Variants in CEP112 observed in about 807,000 individuals in gnomAD.
CEP112 encodes the protein centrosomal protein 112, also known as centrosomal protein of 112 kDa.
CEP112 carries 127 observed loss-of-function variants against 153.0 expected under a neutral mutation model. The ratio of observed to expected loss-of-function variants is 0.83; its 90% CI spans 0.72 to 0.96. The LOEUF (loss-of-function observed/expected upper bound fraction) is 0.96, where lower values mean the gene tolerates loss of function less well. Ranked by LOEUF, CEP112 falls within the 40% of genes least tolerant of loss-of-function variation. The pLI is 0.00. For synonymous variants in CEP112, 358 were observed against 374.4 expected (o/e 0.96, Z 0.51); for missense variants, 1,089 against 1,101.2 (o/e 0.99, Z 0.16).
chr17:65,906,426 T>C (rs909980618), intron 19 of CEP112, among the ~76,000 whole-genome samples: 14 of 151,920 alleles, frequency 9.2e-5, no homozygotes, highest in African/African-American at 3.4e-4. Flanking sequence ...ATAATAATAA[T>C]AATAAAGAGT....
At chr17:65,639,335 A>G (rs1267087894) in intron 25 of CEP112, among the ~76,000 whole-genome samples, 1 of 152,182 alleles carries the variant, frequency 6.6e-6, no homozygotes, top group Non-Finnish European at 1.5e-5. Context: ...AGTACTTGAT[A>G]CAGGGAGTAA....
At chr17:65,792,682 A>G (rs939039546) in intron 21 of CEP112, among the ~76,000 whole-genome samples, 1 of 152,208 alleles carries the variant, frequency 6.6e-6, no homozygotes, top group Non-Finnish European at 1.5e-5. Flanking sequence ...AGGTGAAATC[A>G]AGACCTGTCT....
At chr17:65,949,586 G>A (rs758099246) in intron 18 of CEP112, among the ~76,000 whole-genome samples, 10 of 152,106 alleles carry the variant, frequency 6.6e-5, no homozygotes, top group Non-Finnish European at 8.8e-5. Context: ...CCACAGCAAT[G>A]TAATACCAAG....
rs117854989 is a variant in CEP112 at position 65,994,149 on chromosome 17, T to C, written c.1736+11541A>G. Among the ~76,000 whole-genome samples, 121 of 152,202 alleles carry C rather than the reference T, an allele frequency of 7.9e-4. 2 individuals are homozygous for C. In the East Asian group the frequency reaches 0.02, roughly 25 times the overall value. On this transcript the variant is annotated intron_variant, in intron 17 of 26. Transcript: ENST00000535342. ...CTAGGGTGTTTTCTAAAACCCATAATCTGAGATGAAATAAACATCCTAATC... is the reference window on the plus strand; with the variant it reads ...CTAGGGTGTTTTCTAAAACCCATAACCTGAGATGAAATAAACATCCTAATC...
At chr17:66,116,661 A>G (rs373839194) in intron 6 of CEP112, among the ~76,000 whole-genome samples, 2 of 152,244 alleles carry the variant, frequency 1.3e-5, no homozygotes, top group African/African-American at 4.8e-5. Flanking sequence ...GCTTTATTCA[A>G]ATGAACTCAT....
At chr17:65,758,410 G>C (rs536994727) in intron 21 of CEP112, among the ~76,000 whole-genome samples, 2 of 152,074 alleles carry the variant, frequency 1.3e-5, no homozygotes, top group Admixed American at 1.3e-4. Context: ...ATTAGAAAGG[G>C]GGAAAAATAC....
chr17:65,934,328 G>A (rs1360900343), intron 18 of CEP112, among the ~76,000 whole-genome samples: 1 of 152,182 alleles, frequency 6.6e-6, no homozygotes, highest in African/African-American at 2.4e-5. Flanking sequence ...CCTGTTATAA[G>A]TAGAAGATGT....
rs1382184878 is a variant in CEP112 at position 65,970,445 on chromosome 17, G to A, written c.1737-8847C>T. ...TTACATGCATGCACACATCATGCATGTATATTACATGCATGCACACATGCA... is the reference window on the plus strand; with the variant it reads ...TTACATGCATGCACACATCATGCATATATATTACATGCATGCACACATGCA... On this transcript the variant is annotated intron_variant, in intron 17 of 26. Transcript: ENST00000535342. 8.1e-5 allele frequency among the ~76,000 whole-genome samples: 4 copies of A among 49,080 alleles called. 1 individual carries two copies. The highest frequency in any genetic ancestry group is 1.8e-4 in the African/African-American group (3 of 16,232). 32.2% of individuals were successfully genotyped at this position (49,080 alleles called of 152,430 possible).
intron 22 of CEP112, among the ~76,000 whole-genome samples, chr17:65,749,858 G>GTATATA (rs148500615): frequency 2.0e-5 from 3 of 148,580 alleles, no homozygotes; most frequent in African/African-American, 7.4e-5. Context: ...AAATACCACT[G>GTATATA]TATATATATA....
intron 24 of CEP112, chr17:65,654,889 A>T: frequency 5.6e-6 from 3 of 535,364 alleles, no homozygotes. Context: ...CTGGGGTCGT[A>T]CCATGGCAGC....
At chr17:66,032,383 C>G (rs983938572) in intron 12 of CEP112, among the ~76,000 whole-genome samples, 3 of 151,218 alleles carry the variant, frequency 2.0e-5, no homozygotes, top group Non-Finnish European at 4.4e-5. Flanking sequence ...GAAAAGCACA[C>G]TAGAGTTTTC....
intron 17 of CEP112, among the ~76,000 whole-genome samples, chr17:65,963,328 G>C (rs1021823120): frequency 3.9e-5 from 6 of 152,266 alleles, no homozygotes; most frequent in African/African-American, 1.4e-4. Flanking sequence ...ATATCATAAA[G>C]GGGAGAAAAG....
chr17:66,030,958 C>T (rs1274417038), intron 12 of CEP112, among the ~76,000 whole-genome samples: 7 of 152,256 alleles, frequency 4.6e-5, no homozygotes, highest in Admixed American at 2.0e-4. Flanking sequence ...CTCATCCTTT[C>T]TTCATTACAA....
intron 6 of CEP112, among the ~76,000 whole-genome samples, chr17:66,124,091 G>A (rs954072220): frequency 6.6e-6 from 1 of 152,132 alleles, no homozygotes; most frequent in Non-Finnish European, 1.5e-5. Context: ...CACTCAAGGG[G>A]TGGTCTGGGA....
At chr17:66,099,022 T>A (rs969486416) in intron 6 of CEP112, among the ~76,000 whole-genome samples, 1 of 151,846 alleles carries the variant, frequency 6.6e-6, no homozygotes, top group African/African-American at 2.4e-5. Flanking sequence ...TGGCTCAGAG[T>A]GCCAGAGATG....
chr17:65,699,513 G>T (rs988477501), intron 23 of CEP112, among the ~76,000 whole-genome samples: 1 of 152,196 alleles, frequency 6.6e-6, no homozygotes, highest in East Asian at 1.9e-4. Flanking sequence ...GATCTAGAGG[G>T]CTGGTCACCA....
At chr17:65,750,419 ATG>A (rs141721148) in intron 22 of CEP112, among the ~76,000 whole-genome samples, 3 of 151,340 alleles carry the variant, frequency 2.0e-5, no homozygotes, top group African/African-American at 4.8e-5. Flanking sequence ...GAGTGTGTGT[ATG>A]TGTGTGTGTG....
intron 17 of CEP112, among the ~76,000 whole-genome samples, chr17:65,995,577 C>A (rs946364504): frequency 1.6e-4 from 25 of 152,188 alleles, no homozygotes; most frequent in African/African-American, 5.8e-4. Context: ...CAGCACTTCC[C>A]TCAGTGGGCT....
chr17:66,066,322 C>T (rs80022146), intron 10 of CEP112, among the ~76,000 whole-genome samples: 7,350 of 152,118 alleles, frequency 0.048, 233 homozygotes, highest in African/African-American at 0.07. Flanking sequence ...AATCACAATA[C>T]CAGCAAATAC....
Sources: gnomAD v4.1 joint callset for allele counts (sites outside exome capture counted in the v4.1 genomes callset) on GRCh38, gnomAD v4.1.1 for gene constraint, MANE v1.5 for transcripts, NCBI Gene and HGNC (gene_info 2026-07-23, HGNC 2026-07-21) for gene names.